Variants in MID1 observed in about 807,000 individuals in gnomAD.
The protein encoded by MID1 is E3 ubiquitin-protein ligase Midline-1.
A neutral mutation model predicts 40.4 loss-of-function variants in MID1; 7 were observed. The ratio of observed to expected loss-of-function variants is 0.17; its 90% CI spans 0.10 to 0.33. The LOEUF (loss-of-function observed/expected upper bound fraction) is 0.33. Among genes scored for constraint, MID1 ranks in the 10% least tolerant of loss-of-function variants. The pLI is 1.00. For synonymous variants in MID1, 229 were observed against 221.2 expected (o/e 1.04, Z -0.31); for missense variants, 367 against 558.5 (o/e 0.66, Z 3.46).
At chrX:10,572,104 A>ACT (rs59928523) in intron 1 of MID1, among the ~76,000 whole-genome samples, 1,080 of 70,351 alleles carry the variant, frequency 0.015, 8 homozygotes, top group Non-Finnish European at 0.022. Context: ...CTTTCTTTTC[A>ACT]CTCTCTCTCT....
In MID1 at chrX:10,748,612, T is replaced by C. The variant is rs781378115; in HGVS notation, c.-187+84942A>G. ...AAGCTAGGAGGAACTATAATCATTA[T>C]GATAAAGTGATTGAATGGAAGACAA... On this transcript the variant is annotated intron_variant, in intron 1 of 10. Transcript: ENST00000380785. Among the ~76,000 whole-genome samples the C allele has an allele frequency of 6.2e-5, 7 of 112,072 alleles. No individual in the cohort carries two copies. In the South Asian group the frequency reaches 2.6e-3, roughly 42 times the overall value.
chrX:10,600,287 C>G (rs1321228830), intron 1 of MID1, among the ~76,000 whole-genome samples: 1 of 110,151 alleles, frequency 9.1e-6, no homozygotes, highest in Non-Finnish European at 1.9e-5. Flanking sequence ...ATAGTGAGAC[C>G]CCATCTCAAC....
intron 1 of MID1, among the ~76,000 whole-genome samples, chrX:10,690,777 A>G (rs2043127482): frequency 8.9e-6 from 1 of 112,223 alleles, no homozygotes; most frequent in Non-Finnish European, 1.9e-5. Context: ...CTCCATGTCA[A>G]AGGATTCCCT....
rs539901831 is a variant in MID1, at chrX:10,808,342, C to T, written c.-187+25212G>A. On this transcript the variant is annotated intron_variant, in intron 1 of 10. Transcript: ENST00000380785. ...TGGTCCTCTATGATGTCCCTTTGTACGATGCCCTTATCTGTGATGAGCCGA... is the reference window on the plus strand; with the variant it reads ...TGGTCCTCTATGATGTCCCTTTGTATGATGCCCTTATCTGTGATGAGCCGA... Among the ~76,000 whole-genome samples, 12 of 111,403 alleles carry T rather than the reference C, an allele frequency of 1.1e-4. No individual in the cohort carries two copies. The South Asian group carries it at 1.2e-3, about 11-fold the overall frequency.
At chrX:10,549,936 A>G in intron 2 of MID1, among the ~76,000 whole-genome samples, 1 of 112,782 alleles carries the variant, frequency 8.9e-6, no homozygotes, top group Middle Eastern at 4.6e-3. Context: ...ATTCAGCCTC[A>G]GCAATGAAGA....
At position 10,781,277 on chromosome X, in the gene MID1, TCTC is replaced by T. The variant is rs776745836; in HGVS notation, c.-187+52274_-187+52276del. Among the ~76,000 whole-genome samples, 323 of 111,459 alleles carry T rather than the reference TCTC, an allele frequency of 2.9e-3. 2 individuals are homozygous for T. Among genetic ancestry groups the T allele is most frequent in the Non-Finnish European group, 4.8e-3 (255 of 53,105 alleles). Reference sequence around the variant, plus strand: ...AGTAAGAGTTATATATGAAATAAAATCTCCTTTCCTAGCTTCATGGGAATTTGC... The same window carrying T: ...AGTAAGAGTTATATATGAAATAAAATCTTTCCTAGCTTCATGGGAATTTGC... On this transcript the variant is annotated intron_variant, in intron 1 of 10. Transcript: ENST00000380785.
At chrX:10,755,036 A>G (rs1569162548) in intron 1 of MID1, among the ~76,000 whole-genome samples, 1 of 111,902 alleles carries the variant, frequency 8.9e-6, no homozygotes, top group Non-Finnish European at 1.9e-5. Flanking sequence ...AGTTTGAAAA[A>G]GTAATCCTAC....
chrX:10,753,861 C>T (rs1314916739), intron 1 of MID1, among the ~76,000 whole-genome samples: 2 of 111,922 alleles, frequency 1.8e-5, no homozygotes, highest in African/African-American at 6.5e-5. Flanking sequence ...TTTTTAAAAG[C>T]TACAATTATA....
At chrX:10,598,596 T>C (rs1935457729) in intron 1 of MID1, among the ~76,000 whole-genome samples, 2 of 112,296 alleles carry the variant, frequency 1.8e-5, no homozygotes, top group Middle Eastern at 4.6e-3. Context: ...AGAGATTCTA[T>C]GTGTGTGAAG....
At chrX:10,567,740 T>C (rs777061427) in intron 1 of MID1, 137 bp from the exon 2 acceptor site, 10 of 446,585 alleles carry the variant, frequency 2.2e-5, no homozygotes, top group Non-Finnish European at 3.8e-5. Context: ...AATAATTCTC[T>C]TTCTATTCAC....
At chrX:10,761,734 T>C (rs971122831) in intron 1 of MID1, among the ~76,000 whole-genome samples, 3 of 111,957 alleles carry the variant, frequency 2.7e-5, no homozygotes, top group Admixed American at 9.5e-5. Context: ...AACACCCAGT[T>C]GATTGGTAGA....
intron 2 of MID1, among the ~76,000 whole-genome samples, chrX:10,535,403 T>C (rs924440911): frequency 2.7e-5 from 3 of 112,506 alleles, no homozygotes; most frequent in South Asian, 7.3e-4. Flanking sequence ...CTTATATGTA[T>C]ATAACAAGTA....
Position 10,775,736 on chromosome X carries a change from T to C in MID1, c.-187+57818A>G, listed in dbSNP as rs762644106. Among the ~76,000 whole-genome samples, 33 of 111,834 alleles carry C rather than the reference T, an allele frequency of 3.0e-4. No homozygotes were observed. In the South Asian group the frequency reaches 4.9e-3, roughly 17 times the overall value. Reference sequence around the variant, plus strand: ...GCCTTCCTGAAGATCAGCAATCTTATGGATTCTTTGTTGTGGGTAATGAGA... The same window carrying C: ...GCCTTCCTGAAGATCAGCAATCTTACGGATTCTTTGTTGTGGGTAATGAGA... On this transcript the variant is annotated intron_variant, in intron 1 of 10. Transcript: ENST00000380785.
At chrX:10,449,767 C>G in intron 9 of MID1, 51 bp from the exon 10 acceptor site, 1 of 898,859 alleles carries the variant, frequency 1.1e-6, no homozygotes, top group Non-Finnish European at 1.6e-6. Context: ...GTTGCACATG[C>G]ACGTTAAATC....
intron 2 of MID1, among the ~76,000 whole-genome samples, chrX:10,542,609 G>A (rs1933516466): frequency 8.9e-6 from 1 of 111,962 alleles, no homozygotes; most frequent in Non-Finnish European, 1.9e-5. Context: ...AAAGCAAAAT[G>A]TAAAAAATGA....
chrX:10,651,064 C>T (rs1418678414), intron 1 of MID1, among the ~76,000 whole-genome samples: 2 of 111,924 alleles, frequency 1.8e-5, no homozygotes, highest in Non-Finnish European at 3.8e-5. Flanking sequence ...ATTTAATGTT[C>T]ATATCACAAT....
At chrX:10,566,537 C>CTCTCCCTT (rs1934554285) in intron 2 of MID1, among the ~76,000 whole-genome samples, 2 of 101,306 alleles carry the variant, frequency 2.0e-5, no homozygotes, top group African/African-American at 8.0e-5. Context: ...CTCTCCCTCT[C>CTCTCCCTT]TCTCTCTCTC....
chrX:10,660,446 G>A (rs181981325), intron 1 of MID1, among the ~76,000 whole-genome samples: 27 of 112,274 alleles, frequency 2.4e-4, no homozygotes, highest in African/African-American at 7.8e-4. Flanking sequence ...CATTTACACG[G>A]CATGGGAAGG....
At chrX:10,776,115 A>T (rs988133229) in intron 1 of MID1, among the ~76,000 whole-genome samples, 2 of 112,199 alleles carry the variant, frequency 1.8e-5, no homozygotes, top group African/African-American at 6.5e-5. Flanking sequence ...TCAAAGCAAA[A>T]TCATAACCAT....
Sources: gnomAD v4.1 joint callset for allele counts (sites outside exome capture counted in the v4.1 genomes callset) on GRCh38, gnomAD v4.1.1 for gene constraint, MANE v1.5 for transcripts, NCBI Gene and HGNC (gene_info 2026-07-23, HGNC 2026-07-21) for gene names.